Variants in CD247 observed in about 807,000 individuals in gnomAD.
The protein encoded by CD247 is T-cell surface glycoprotein CD3 zeta chain.
In CD247, 13 loss-of-function variants were observed where a neutral mutation model predicts 30.0. The observed-to-expected ratio is 0.43, with a 90% CI of 0.28 to 0.69. The LOEUF is 0.69. Ranked by LOEUF, CD247 falls within the 30% of genes least tolerant of loss-of-function variation. The pLI, the probability that CD247 is intolerant of heterozygous loss-of-function variation, is 0.16. For missense variants in CD247, 193 were observed against 212.6 expected, an observed-to-expected ratio of 0.91 and a Z score of 0.57; for synonymous variants, 72 against 80.0, an observed-to-expected ratio of 0.90 and a Z score of 0.53.
Position 167,472,723 on chromosome 1 carries a change from T to C in CD247, c.59-31956A>G, listed in dbSNP as rs533766170. 4.6e-5 allele frequency among the ~76,000 whole-genome samples: 7 copies of C among 152,236 alleles called. No individual in the cohort carries two copies. In the East Asian group the frequency reaches 1.4e-3, roughly 29 times the overall value. ...AGTAAAATCAAAGTGGGCAAAGGCA[T>C]CTGTTGGAAGCGCTCTAAATATGCA... On this transcript the variant is annotated intron_variant, in intron 1 of 7. Transcript: ENST00000362089.
chr1:167,505,616 G>A (rs545994061), intron 1 of CD247, among the ~76,000 whole-genome samples: 138 of 152,372 alleles, frequency 9.1e-4, no homozygotes, highest in African/African-American at 3.2e-3. Context: ...CAGGTAGGCA[G>A]GTCAGGGCCT....
chr1:167,441,100 C>T (rs959725241), intron 1 of CD247, among the ~76,000 whole-genome samples: 1 of 152,164 alleles, frequency 6.6e-6, no homozygotes, highest in Non-Finnish European at 1.5e-5. Flanking sequence ...ATGTTAGCCC[C>T]GGTGTGAACC....
intron 1 of CD247, among the ~76,000 whole-genome samples, chr1:167,488,599 G>A (rs191589388): frequency 6.6e-6 from 1 of 152,322 alleles, no homozygotes; most frequent in Admixed American, 6.5e-5. Flanking sequence ...GATATTGAAG[G>A]TTGATGGTTG....
At chr1:167,489,207 CCAAACT>C (rs1302625517) in intron 1 of CD247, among the ~76,000 whole-genome samples, 1 of 152,122 alleles carries the variant, frequency 6.6e-6, no homozygotes, top group Non-Finnish European at 1.5e-5. Flanking sequence ...CTTCCCCACC[CCAAACT>C]CTGCTTATAG....
intron 1 of CD247, among the ~76,000 whole-genome samples, chr1:167,490,950 AAAT>A (rs756023057): frequency 1.7e-4 from 25 of 151,368 alleles, no homozygotes; most frequent in Admixed American, 3.3e-4. Context: ...AAATAATAAT[AAAT>A]AATAATAATA....
chr1:167,451,371 C>A lies in CD247; in HGVS notation c.59-10604G>T, dbSNP rs552775383. On this transcript the variant is annotated intron_variant, in intron 1 of 7. Coordinates refer to ENST00000362089, the MANE Select transcript of CD247 (RefSeq NM_198053.3). Reference sequence around the variant, plus strand: ...AGGCAAGGTTCACAGTTGCCTTGGGCCCCTGGGCTAACTGGAGATGCCCCG... The same window carrying A: ...AGGCAAGGTTCACAGTTGCCTTGGGACCCTGGGCTAACTGGAGATGCCCCG... 6.6e-5 allele frequency among the ~76,000 whole-genome samples: 10 copies of A among 152,290 alleles called. No individual in the cohort carries two copies. In the South Asian group the frequency reaches 2.1e-3, roughly 32 times the overall value.
intron 1 of CD247, among the ~76,000 whole-genome samples, chr1:167,485,516 G>A (rs1654167243): frequency 6.6e-6 from 1 of 152,080 alleles, no homozygotes; most frequent in Non-Finnish European, 1.5e-5. Context: ...TGTGGATTGA[G>A]GGAGACCCAG....
intron 1 of CD247, among the ~76,000 whole-genome samples, chr1:167,483,188 A>C (rs1001077500): frequency 6.6e-6 from 1 of 151,792 alleles, no homozygotes; most frequent in Non-Finnish European, 1.5e-5. Flanking sequence ...TTGTATTTTT[A>C]GTAGAGATGG....
intron 1 of CD247, among the ~76,000 whole-genome samples, chr1:167,449,702 C>T (rs1445842729): frequency 3.3e-5 from 5 of 152,086 alleles, no homozygotes; most frequent in Admixed American, 6.5e-5. Flanking sequence ...GTGGGCAGAT[C>T]GCCTGAGGTC....
chr1:167,438,505 C>G (rs997563613), intron 4 of CD247, 65 bp downstream of exon 4: 1 of 1,293,930 alleles, frequency 7.7e-7, no homozygotes, highest in Non-Finnish European at 1.1e-6. Context: ...GGAGCCCTCC[C>G]CCACAGCCTG....
intron 1 of CD247, among the ~76,000 whole-genome samples, chr1:167,496,907 G>A (rs2982485): frequency 0.039 from 5,861 of 152,154 alleles, 404 homozygotes; most frequent in African/African-American, 0.13. Flanking sequence ...ACGGGGAGGC[G>A]GGTGATGAAA....
chr1:167,456,562 G>A (rs1652682356), intron 1 of CD247, among the ~76,000 whole-genome samples: 2 of 152,194 alleles, frequency 1.3e-5, no homozygotes, highest in Non-Finnish European at 2.9e-5. Flanking sequence ...TGTTTCCAGA[G>A]CAGGTGAATG....
chr1:167,441,318 C>A (rs1651820430), intron 1 of CD247, among the ~76,000 whole-genome samples: 1 of 152,216 alleles, frequency 6.6e-6, no homozygotes, highest in African/African-American at 2.4e-5. Flanking sequence ...GCCAAGCACT[C>A]TCCCGCCTAG....
intron 1 of CD247, among the ~76,000 whole-genome samples, chr1:167,455,287 C>T (rs572200172): frequency 5.9e-5 from 9 of 152,372 alleles, no homozygotes; most frequent in Admixed American, 5.9e-4. Context: ...TCCCCGCGTC[C>T]GGCTTGGGGC....
At chr1:167,490,660 C>G (rs1350205597) in intron 1 of CD247, among the ~76,000 whole-genome samples, 2 of 152,018 alleles carry the variant, frequency 1.3e-5, no homozygotes, top group Non-Finnish European at 2.9e-5. Flanking sequence ...AGGTCGGGTA[C>G]AGTGACTCAC....
chr1:167,449,526 C>A (rs1652257313), intron 1 of CD247, among the ~76,000 whole-genome samples: 1 of 152,148 alleles, frequency 6.6e-6, no homozygotes, highest in Non-Finnish European at 1.5e-5. Context: ...AGGAAAAAAT[C>A]AGAATTGCCC....
intron 6 of CD247, among the ~76,000 whole-genome samples, chr1:167,433,421 C>G (rs531114241): frequency 9.8e-5 from 15 of 152,328 alleles, no homozygotes; most frequent in African/African-American, 3.4e-4. Flanking sequence ...TGACAACCAG[C>G]TGTTTTGAGC....
At chr1:167,445,819 C>G (rs1344681976) in intron 1 of CD247, among the ~76,000 whole-genome samples, 3 of 152,208 alleles carry the variant, frequency 2.0e-5, no homozygotes, top group Non-Finnish European at 4.4e-5. Context: ...CAGTCAACCT[C>G]CTTCTCCAGC....
intron 1 of CD247, 92 bp downstream of exon 1, chr1:167,518,316 G>T: frequency 1.7e-6 from 2 of 1,198,452 alleles, no homozygotes; most frequent in Non-Finnish European, 2.5e-6. Context: ...GGAGACCCCA[G>T]CCCCTCACCA....
Sources: allele counts gnomAD v4.1 joint callset (sites outside exome capture counted in the v4.1 genomes callset), GRCh38; gene constraint gnomAD v4.1.1; transcripts MANE v1.5; gene names NCBI Gene and HGNC (gene_info 2026-07-23, HGNC 2026-07-21).